Variants in MCTP2 observed in about 807,000 individuals in gnomAD.
MCTP2 encodes multiple C2 and transmembrane domain-containing protein 2.
Under a neutral mutation model 111.6 loss-of-function variants are expected in MCTP2, and 132 were observed. The ratio of observed to expected loss-of-function variants is 1.18; its 90% CI spans 1.03 to 1.37. The LOEUF is 1.37. Among genes scored for constraint, MCTP2 ranks in the 40% most tolerant of loss-of-function variants. The pLI is 0.00. For synonymous variants in MCTP2, 395 were observed against 387.7 expected, an observed-to-expected ratio of 1.02 and a Z score of -0.22; for missense variants, 1,183 against 1,067.9, an observed-to-expected ratio of 1.11 and a Z score of -1.50.
chr15:94,257,561 TCTTTGTTG>T (rs1414689132), intron 1 of MCTP2, among the ~76,000 whole-genome samples: 4 of 129,960 alleles, frequency 3.1e-5, no homozygotes, highest in Non-Finnish European at 3.2e-5. Context: ...GTTGTCATTT[TCTTTGTTG>T]TTTTTTTTTT....
At chr15:94,234,426 G>A (rs147231903) in intron 1 of MCTP2, among the ~76,000 whole-genome samples, 3 of 152,242 alleles carry the variant, frequency 2.0e-5, no homozygotes, top group Non-Finnish European at 4.4e-5. Context: ...ATTGCAATCC[G>A]GCTTCCCCTC....
At chr15:94,315,707 G>C (rs1024482559) in intron 4 of MCTP2, 70 bp downstream of exon 4, 5 of 1,124,098 alleles carry the variant, frequency 4.4e-6, no homozygotes, top group Non-Finnish European at 6.7e-6. Flanking sequence ...TATCAATATT[G>C]TCAGTCAGGC....
chr15:94,271,135 G>T (rs1596236524), intron 1 of MCTP2, among the ~76,000 whole-genome samples: 2 of 152,200 alleles, frequency 1.3e-5, no homozygotes, highest in African/African-American at 4.8e-5. Flanking sequence ...TGAGACGAGA[G>T]TGTGTGTGCA....
intron 1 of MCTP2, among the ~76,000 whole-genome samples, chr15:94,274,689 A>C (rs913027112): frequency 2.6e-5 from 4 of 152,174 alleles, no homozygotes; most frequent in African/African-American, 9.6e-5. Context: ...GAAATTATGA[A>C]TGAATTGATG....
At chr15:94,295,408 T>C (rs1456145031) in intron 1 of MCTP2, among the ~76,000 whole-genome samples, 2 of 152,206 alleles carry the variant, frequency 1.3e-5, no homozygotes, top group Non-Finnish European at 2.9e-5. Flanking sequence ...TTGAAACACA[T>C]ATGGCTCCAC....
At chr15:94,414,488 C>T (rs2082290992) in intron 17 of MCTP2, among the ~76,000 whole-genome samples, 1 of 152,086 alleles carries the variant, frequency 6.6e-6, no homozygotes, top group African/African-American at 2.4e-5. Context: ...TCGTGGTAAG[C>T]AGTTCTTGAA....
rs762926549 is a variant in MCTP2 at position 94,399,893 on chromosome 15, C to T, written c.1891-28C>T. 3 of 1,601,614 alleles carry T rather than the reference C, an allele frequency of 1.9e-6. No homozygotes were observed. The Admixed American group carries it at 5.0e-5, about 27-fold the overall frequency. ...TGGATGAAGTCCCTATACATGCTGC[C>T]CTTTTTTAACAAGGATGTCTTTTCT... On this transcript the variant is annotated intron_variant, in intron 15 of 22. Transcript: ENST00000357742.
chr15:94,425,789 A>G (rs980578960), intron 17 of MCTP2, among the ~76,000 whole-genome samples: 4 of 152,150 alleles, frequency 2.6e-5, no homozygotes, highest in Non-Finnish European at 4.4e-5. Context: ...TGAAATGAAT[A>G]AAGCTTATAC....
intron 1 of MCTP2, among the ~76,000 whole-genome samples, chr15:94,288,390 T>C (rs924102386): frequency 2.6e-5 from 4 of 152,334 alleles, no homozygotes; most frequent in African/African-American, 9.6e-5. Context: ...ACTTTGAGAA[T>C]GGAGTTAATG....
intron 19 of MCTP2, among the ~76,000 whole-genome samples, chr15:94,443,981 C>CAAAAAAAAAAAAAA (rs58768404): frequency 1.4e-5 from 1 of 69,412 alleles, no homozygotes; most frequent in African/African-American, 6.2e-5. Context: ...GATATTTTAC[C>CAAAAAAAAAAAAAA]AAAAAAAAAA....
Position 94,362,014 on chromosome 15 carries a change from G to T in MCTP2, c.1301+3402G>T, listed in dbSNP as rs540116333. 4.6e-5 allele frequency among the ~76,000 whole-genome samples: 7 copies of T among 152,154 alleles called. No homozygotes were observed. In the East Asian group the frequency reaches 1.4e-3, roughly 29 times the overall value. On this transcript the variant is annotated intron_variant, in intron 10 of 22. Transcript: ENST00000357742. Reference sequence around the variant, plus strand: ...ACTTCCCCTTTTTCCATAGTCCACCGACCTGCAGATTCCCCCTGAGCCACA... The same window carrying T: ...ACTTCCCCTTTTTCCATAGTCCACCTACCTGCAGATTCCCCCTGAGCCACA...
chr15:94,284,879 A>G (rs1046203964), intron 1 of MCTP2, among the ~76,000 whole-genome samples: 1 of 152,248 alleles, frequency 6.6e-6, no homozygotes, highest in Admixed American at 6.5e-5. Flanking sequence ...TTAGGATAAA[A>G]AAGTTTTTAA....
At chr15:94,298,800 C>CTCTT in intron 2 of MCTP2, 70 bp downstream of exon 2, 1 of 983,840 alleles carries the variant, frequency 1.0e-6, no homozygotes, top group Non-Finnish European at 1.4e-6. Context: ...CTTTCTCCCT[C>CTCTT]TCTCCCCATC....
chr15:94,287,457 T>A (rs1408800782), intron 1 of MCTP2, among the ~76,000 whole-genome samples: 1 of 152,198 alleles, frequency 6.6e-6, no homozygotes, highest in Non-Finnish European at 1.5e-5. Context: ...AGGATCCTTA[T>A]TTTCTCTGGG....
At position 94,266,328 on chromosome 15, in the gene MCTP2, G is replaced by A. The variant is rs977060252; in HGVS notation, c.-65-31873G>A. Among the ~76,000 whole-genome samples the A allele has an allele frequency of 3.3e-5, 5 of 152,044 alleles. No individual in the cohort carries two copies. In the East Asian group the frequency reaches 7.7e-4, roughly 23 times the overall value. On this transcript the variant is annotated intron_variant, in intron 1 of 22. Transcript: ENST00000357742. ...TTGCATGCAAATATTTTTTTGACTC[G>A]TTTGTATTTTTATTATTATAATTAT...
intron 12 of MCTP2, among the ~76,000 whole-genome samples, chr15:94,380,598 T>C (rs889824194): frequency 6.6e-6 from 1 of 151,986 alleles, no homozygotes; most frequent in African/African-American, 2.4e-5. Context: ...TGAAACCCTG[T>C]CTCCACTAAA....
intron 4 of MCTP2, among the ~76,000 whole-genome samples, chr15:94,332,218 G>A (rs1285653234): frequency 6.6e-6 from 1 of 152,176 alleles, no homozygotes; most frequent in Non-Finnish European, 1.5e-5. Context: ...GAGTAGCTCA[G>A]CTCTACTGTA....
intron 4 of MCTP2, among the ~76,000 whole-genome samples, chr15:94,334,899 A>G (rs900745689): frequency 5.9e-5 from 9 of 152,180 alleles, no homozygotes; most frequent in African/African-American, 2.2e-4. Context: ...TTTACTCTAT[A>G]TTATGAAAGT....
intron 4 of MCTP2, among the ~76,000 whole-genome samples, chr15:94,324,400 G>C (rs535648624): frequency 6.6e-6 from 1 of 152,314 alleles, no homozygotes; most frequent in South Asian, 2.1e-4. Context: ...CTGTGTTGCT[G>C]GTGCCCTCTT....
Sources: gnomAD v4.1 joint callset for allele counts (sites outside exome capture counted in the v4.1 genomes callset) on GRCh38, gnomAD v4.1.1 for gene constraint, MANE v1.5 for transcripts, NCBI Gene and HGNC (gene_info 2026-07-23, HGNC 2026-07-21) for gene names.